CNTN5: variants seen among roughly 807,000 people sequenced by gnomAD.
CNTN5 encodes the protein contactin-5.
In CNTN5, 77 loss-of-function variants were observed where a neutral mutation model predicts 129.1. That is an observed-to-expected ratio of 0.60 (90% CI 0.50 to 0.72). CNTN5 has a LOEUF of 0.72. Among genes scored for constraint, CNTN5 ranks in the 30% least tolerant of loss-of-function variants. CNTN5 has a pLI of 0.00. For missense variants in CNTN5, 1,478 were observed against 1,328.8 expected (o/e 1.11, Z -1.75); for synonymous variants, 509 against 465.6 (o/e 1.09, Z -1.20).
intron 2 of CNTN5, among the ~76,000 whole-genome samples, chr11:99,337,717 T>G (rs916478635): frequency 6.6e-6 from 1 of 152,160 alleles, no homozygotes; most frequent in African/African-American, 2.4e-5. Context: ...TTTGGGGGGC[T>G]TGCTCCCAAC....
intron 6 of CNTN5, among the ~76,000 whole-genome samples, chr11:99,847,307 C>G (rs2135708524): frequency 6.6e-6 from 1 of 152,330 alleles, no homozygotes; most frequent in African/African-American, 2.4e-5. Flanking sequence ...ATACACTCAT[C>G]TGAAGTGATG....
At chr11:99,715,267 A>AT (rs1239279099) in intron 3 of CNTN5, among the ~76,000 whole-genome samples, 1 of 151,770 alleles carries the variant, frequency 6.6e-6, no homozygotes, top group Non-Finnish European at 1.5e-5. Flanking sequence ...GGGAGAACTT[A>AT]TTTTTTTAAG....
At chr11:99,584,094 T>A (rs957011026) in intron 3 of CNTN5, among the ~76,000 whole-genome samples, 1 of 152,240 alleles carries the variant, frequency 6.6e-6, no homozygotes, top group South Asian at 2.1e-4. Context: ...AAGGAGGATG[T>A]GATTTCTCTA....
chr11:99,738,485 T>C (rs142194282), intron 3 of CNTN5, among the ~76,000 whole-genome samples: 265 of 152,266 alleles, frequency 1.7e-3, no homozygotes, highest in African/African-American at 6.2e-3. Context: ...TTTAGACAAA[T>C]TGATGTCCAG....
At chr11:100,251,141 C>T (rs1591437596) in intron 16 of CNTN5, among the ~76,000 whole-genome samples, 1 of 152,246 alleles carries the variant, frequency 6.6e-6, no homozygotes, top group East Asian at 1.9e-4. Context: ...TCCAGTTAGC[C>T]ATTGCTGCCC....
intron 15 of CNTN5, among the ~76,000 whole-genome samples, chr11:100,220,840 A>G (rs1486697886): frequency 2.6e-5 from 4 of 152,096 alleles, no homozygotes; most frequent in Non-Finnish European, 1.5e-5. Flanking sequence ...TGTTTTTTCC[A>G]CTGTCTTTTT....
At chr11:99,335,680 T>G (rs80325367) in intron 2 of CNTN5, among the ~76,000 whole-genome samples, 12 of 152,084 alleles carry the variant, frequency 7.9e-5, no homozygotes, top group African/African-American at 2.9e-4. Context: ...CTCACAATGA[T>G]AGATGGAAAG....
At chr11:99,117,864 A>G (rs1858116428) in intron 1 of CNTN5, among the ~76,000 whole-genome samples, 1 of 152,182 alleles carries the variant, frequency 6.6e-6, no homozygotes, top group African/African-American at 2.4e-5. Flanking sequence ...TGATAGCATC[A>G]TGGACCTCCC....
chr11:99,266,283 A>G (rs1003546736), intron 1 of CNTN5, among the ~76,000 whole-genome samples: 1 of 152,120 alleles, frequency 6.6e-6, no homozygotes, highest in African/African-American at 2.4e-5. Context: ...AGATATTATC[A>G]CTAATCTAGA....
At chr11:99,983,664 A>G (rs1938492828) in intron 8 of CNTN5, among the ~76,000 whole-genome samples, 1 of 152,202 alleles carries the variant, frequency 6.6e-6, no homozygotes, top group South Asian at 2.1e-4. Flanking sequence ...TTGATTGACA[A>G]TATGCTACCA....
intron 1 of CNTN5, among the ~76,000 whole-genome samples, chr11:99,174,672 A>T (rs1319416333): frequency 6.6e-6 from 1 of 152,132 alleles, no homozygotes; most frequent in Non-Finnish European, 1.5e-5. Context: ...CCATTTCATA[A>T]TTGCTATGTC....
chr11:100,141,934 G>A (rs979153711), intron 13 of CNTN5, among the ~76,000 whole-genome samples: 9 of 152,066 alleles, frequency 5.9e-5, no homozygotes, highest in African/African-American at 1.9e-4. Context: ...TGACAGGAAA[G>A]AGCTGCCCTC....
At chr11:100,266,626 A>C (rs530556073) in intron 17 of CNTN5, among the ~76,000 whole-genome samples, 15 of 105,932 alleles carry the variant, frequency 1.4e-4, no homozygotes, top group African/African-American at 5.2e-4. Context: ...TAGAATTTCC[A>C]AATCTTTTTT....
intron 9 of CNTN5, among the ~76,000 whole-genome samples, chr11:100,029,251 C>A (rs1941582300): frequency 6.6e-6 from 1 of 152,104 alleles, no homozygotes; most frequent in Non-Finnish European, 1.5e-5. Flanking sequence ...CTAAAACAGG[C>A]CATAGTGACT....
intron 1 of CNTN5, among the ~76,000 whole-genome samples, chr11:99,168,330 G>A (rs1172293431): frequency 2.0e-5 from 3 of 152,000 alleles, no homozygotes; most frequent in African/African-American, 4.8e-5. Context: ...TTGGGAGGCC[G>A]AGGCCGGGGG....
chr11:100,195,939 C>G (rs944016482), intron 15 of CNTN5, among the ~76,000 whole-genome samples: 1 of 149,696 alleles, frequency 6.7e-6, no homozygotes, highest in African/African-American at 2.5e-5. Flanking sequence ...GTTATAAAGG[C>G]AGATTTGGGA....
intron 3 of CNTN5, among the ~76,000 whole-genome samples, chr11:99,816,053 C>T (rs1297270317): frequency 1.3e-5 from 2 of 152,122 alleles, no homozygotes; most frequent in Non-Finnish European, 2.9e-5. Context: ...ACTAACCTCT[C>T]TAACCCCCAA....
At chr11:99,678,709 G>C (rs937889209) in intron 3 of CNTN5, among the ~76,000 whole-genome samples, 1 of 152,064 alleles carries the variant, frequency 6.6e-6, no homozygotes, top group East Asian at 1.9e-4. Context: ...AAAGTTATCT[G>C]TAAAAGGATA....
chr11:100,283,495 A>G (rs1950688060), intron 18 of CNTN5, among the ~76,000 whole-genome samples: 1 of 152,144 alleles, frequency 6.6e-6, no homozygotes, highest in South Asian at 2.1e-4. Context: ...CCAGTTCAAC[A>G]CAGGACTTGC....
Sources: gnomAD v4.1 joint callset for allele counts (sites outside exome capture counted in the v4.1 genomes callset) on GRCh38, gnomAD v4.1.1 for gene constraint, MANE v1.5 for transcripts, NCBI Gene and HGNC (gene_info 2026-07-23, HGNC 2026-07-21) for gene names.